The following OPTN variants were observed in gnomAD, a reference collection of about 807,000 sequenced individuals.
OPTN encodes E3-14.7K-interacting protein.
Under a neutral mutation model 70.4 loss-of-function variants are expected in OPTN, and 54 were observed. The observed-to-expected ratio is 0.77, with a 90% CI of 0.62 to 0.96. The LOEUF (loss-of-function observed/expected upper bound fraction) is 0.96, where lower values mean the gene tolerates loss of function less well. Among genes scored for constraint, OPTN ranks in the 40% least tolerant of loss-of-function variants. The pLI, the probability that OPTN is intolerant of heterozygous loss-of-function variation, is 0.00. For synonymous variants in OPTN, 256 were observed against 248.5 expected (o/e 1.03, Z -0.28); for missense variants, 624 against 673.2 (o/e 0.93, Z 0.81).
intron 1 of OPTN, among the ~76,000 whole-genome samples, chr10:13,105,274 G>T (rs1439405426): frequency 6.6e-6 from 1 of 152,180 alleles, no homozygotes; most frequent in East Asian, 1.9e-4. Context: ...TCATGAGAGT[G>T]ACTGGCCTGC....
intron 8 of OPTN, among the ~76,000 whole-genome samples, chr10:13,123,354 G>T (rs1253579530): frequency 6.6e-6 from 1 of 152,102 alleles, no homozygotes; most frequent in Non-Finnish European, 1.5e-5. Context: ...TTCACTTTAG[G>T]TAATTAATTT....
At chr10:13,134,211 T>G (rs929756282) in intron 14 of OPTN, among the ~76,000 whole-genome samples, 10 of 152,194 alleles carry the variant, frequency 6.6e-5, no homozygotes, top group African/African-American at 2.4e-4. Context: ...TTGCTTGTAT[T>G]ATGCCCTTCA....
intron 1 of OPTN, among the ~76,000 whole-genome samples, chr10:13,101,105 C>G (rs1832733814): frequency 6.6e-6 from 1 of 152,196 alleles, no homozygotes; most frequent in Non-Finnish European, 1.5e-5. Context: ...TGGTGCCAGG[C>G]TGCCTCCCAG....
At chr10:13,103,101 T>C (rs1027728281) in intron 1 of OPTN, among the ~76,000 whole-genome samples, 1 of 152,186 alleles carries the variant, frequency 6.6e-6, no homozygotes. Flanking sequence ...ATTTTCTGTA[T>C]ATTACTAAAA....
At chr10:13,123,666 G>A (rs1377831485) in intron 8 of OPTN, among the ~76,000 whole-genome samples, 1 of 152,204 alleles carries the variant, frequency 6.6e-6, no homozygotes, top group Non-Finnish European at 1.5e-5. Flanking sequence ...GGATAGATAG[G>A]ACTGTGCTTT....
At position 13,109,904 on chromosome 10, in the gene OPTN, C is replaced by A. The variant is rs117693727; in HGVS notation, c.167-370C>A. On this transcript the variant is annotated intron_variant, in intron 3 of 14. Transcript: ENST00000378747. ...GTTCCAGAGTTAGTCCTATATATTA[C>A]CTTATTAAGAGAAAGCATCCTGGTA... 1.3e-3 allele frequency among the ~76,000 whole-genome samples: 135 copies of A among 106,996 alleles called. 3 individuals carry two copies. In the East Asian group the frequency reaches 0.033, roughly 26 times the overall value. 70.2% of individuals were successfully genotyped at this position (106,996 alleles called of 152,430 possible). A position where few individuals can be genotyped will look rare whatever the true frequency, so the allele number is the denominator to read the frequency against.
intron 12 of OPTN, among the ~76,000 whole-genome samples, 169 bp from the exon 13 acceptor site, chr10:13,131,898 G>C (rs1256316557): frequency 6.6e-6 from 1 of 152,112 alleles, no homozygotes; most frequent in African/African-American, 2.4e-5. Flanking sequence ...ATCTGCTATC[G>C]GAATGTACCT....
At chr10:13,102,070 G>A (rs1218508283) in intron 1 of OPTN, among the ~76,000 whole-genome samples, 2 of 152,162 alleles carry the variant, frequency 1.3e-5, no homozygotes, top group African/African-American at 4.8e-5. Context: ...TTGGGTGCTC[G>A]GAGTAGGGAA....
chr10:13,125,911 C>A, intron 10 of OPTN, 35 bp from the exon 11 acceptor site: 1 of 1,455,692 alleles, frequency 6.9e-7, no homozygotes, highest in Admixed American at 1.7e-5. Context: ...TGATATTTTC[C>A]CCAGGATTCC....
chr10:13,116,726 A>G (rs749201663), intron 6 of OPTN, among the ~76,000 whole-genome samples: 8 of 152,076 alleles, frequency 5.3e-5, no homozygotes, highest in Non-Finnish European at 8.8e-5. Context: ...AAATATTTTC[A>G]TTTTCTTTTC....
chr10:13,126,103 A>G (rs891751855), intron 11 of OPTN, 64 bp downstream of exon 11: 2 of 971,136 alleles, frequency 2.1e-6, no homozygotes, highest in African/African-American at 3.2e-5. Flanking sequence ...AACGTTTTGT[A>G]TATAAAATAG....
rs949337294 is a variant in OPTN at position 13,117,331 on chromosome 10, T to C, written c.626+991T>C. Among the ~76,000 whole-genome samples the C allele has an allele frequency of 1.3e-4, 20 of 151,520 alleles. No homozygotes were observed. The East Asian group carries it at 2.5e-3, about 19-fold the overall frequency. ...TCCTGACCTCGTGATCTGCCCGCCT[T>C]GGCCTCCCAAAGCGCTGGGATTACA... On this transcript the variant is annotated intron_variant, in intron 6 of 14. Transcript: ENST00000378747.
At chr10:13,115,309 T>A (rs1464737902) in intron 5 of OPTN, among the ~76,000 whole-genome samples, 58 of 84,682 alleles carry the variant, frequency 6.8e-4, no homozygotes, top group African/African-American at 2.7e-3. Context: ...ATATAATATA[T>A]AATATAACAT....
At position 13,137,028 on chromosome 10, in the gene OPTN, C is replaced by G. The variant is rs975241420; in HGVS notation, c.*162C>G. The stretch of plus-strand genomic sequence containing the variant: ...GGCACAGTGGCTCATGCCTGTAATC[C>G]CAGCACTTTGGGAGGTCGAGGTGGG... On this transcript the variant is annotated 3_prime_UTR_variant, in exon 15 of 15. Coordinates refer to ENST00000378747, the MANE Select transcript of OPTN (RefSeq NM_001008212.2). 10 of 902,790 alleles carry G rather than the reference C, an allele frequency of 1.1e-5. No homozygotes were observed. In the African/African-American group the frequency reaches 1.6e-4, roughly 15 times the overall value. The allele number at this position is 902,790 out of a possible 1,614,324, so 55.9% of individuals were successfully genotyped here.
At chr10:13,120,849 A>G (rs1005293369) in intron 7 of OPTN, among the ~76,000 whole-genome samples, 7 of 152,182 alleles carry the variant, frequency 4.6e-5, no homozygotes, top group African/African-American at 1.4e-4. Flanking sequence ...AAGAGGTTTA[A>G]CTGACTCACA....
At chr10:13,110,509 T>C (rs1832973133) in intron 4 of OPTN, 33 bp downstream of exon 4, 1 of 1,601,712 alleles carries the variant, frequency 6.2e-7, no homozygotes, top group African/African-American at 1.3e-5. Flanking sequence ...ATGTTGTTTT[T>C]TTTTTTTCCC....
Position 13,136,870 on chromosome 10 carries a change from T to C in OPTN, c.*4T>C. Reference sequence around the variant, plus strand: ...CGTGATGGATTGCATCATTTAAGTGTTGATGTATCACCTCCCCAAAACTGT... The same window carrying C: ...CGTGATGGATTGCATCATTTAAGTGCTGATGTATCACCTCCCCAAAACTGT... On this transcript the variant is annotated 3_prime_UTR_variant, in exon 15 of 15. Coordinates refer to ENST00000378747, the MANE Select transcript of OPTN (RefSeq NM_001008212.2). 6.2e-7 allele frequency: 1 copy of C among 1,614,210 alleles called. No individual in the cohort carries two copies. Among genetic ancestry groups the C allele is most frequent in the Non-Finnish European group, 8.5e-7 (1 of 1,180,022 alleles).
At chr10:13,120,913 G>A (rs1389587141) in intron 7 of OPTN, among the ~76,000 whole-genome samples, 1 of 152,176 alleles carries the variant, frequency 6.6e-6, no homozygotes, top group Non-Finnish European at 1.5e-5. Flanking sequence ...GGCGGAAAGC[G>A]AAGGGGAAGC....
chr10:13,114,696 T>G (rs897034863), intron 5 of OPTN, among the ~76,000 whole-genome samples: 1 of 141,414 alleles, frequency 7.1e-6, no homozygotes, highest in Non-Finnish European at 1.5e-5. Context: ...ATTTATATTA[T>G]ATAATGAATA....
Sources: gnomAD v4.1 joint callset for allele counts (sites outside exome capture counted in the v4.1 genomes callset) on GRCh38, gnomAD v4.1.1 for gene constraint, MANE v1.5 for transcripts, NCBI Gene and HGNC (gene_info 2026-07-23, HGNC 2026-07-21) for gene names.